Variants in VPS35L observed in about 807,000 individuals in gnomAD.
The protein encoded by VPS35L is VPS35 endosomal protein-sorting factor-like.
A neutral mutation model predicts 133.0 loss-of-function variants in VPS35L; 83 were observed. The observed-to-expected ratio is 0.62, with a 90% CI of 0.52 to 0.75. The LOEUF (loss-of-function observed/expected upper bound fraction) is 0.75. VPS35L is among the 30% of genes least tolerant of loss of function. The pLI is 0.00. For missense variants in VPS35L, 1,083 were observed against 1,206.8 expected (o/e 0.90, Z 1.52); for synonymous variants, 423 against 449.9 (o/e 0.94, Z 0.76).
chr16:19,619,411 C>G (rs1340628316), intron 14 of VPS35L, among the ~76,000 whole-genome samples: 2 of 152,102 alleles, frequency 1.3e-5, no homozygotes, highest in Non-Finnish European at 2.9e-5. Context: ...TGAAGTTTTG[C>G]TGCTGGTTCT....
intron 26 of VPS35L, among the ~76,000 whole-genome samples, chr16:19,653,607 C>T (rs974563151): frequency 6.6e-6 from 1 of 152,228 alleles, no homozygotes; most frequent in African/African-American, 2.4e-5. Context: ...TAAAGGAATG[C>T]CGGGGCAGTT....
intron 1 of VPS35L, among the ~76,000 whole-genome samples, chr16:19,560,384 A>C (rs1342526707): frequency 6.6e-6 from 1 of 152,264 alleles, no homozygotes; most frequent in African/African-American, 2.4e-5. Context: ...GTTGATTGTT[A>C]GTAATTCCAA....
In VPS35L at chr16:19,668,591, A is replaced by AGTGTGTGTGTGTGT. The variant is rs35546511; in HGVS notation, c.2222-553_2222-540dup. On this transcript the variant is annotated intron_variant, in intron 26 of 30. Transcript: ENST00000417362. Reference sequence around the variant, plus strand: ...ATGTTAATCAGAAGCCTTTAAGCTGAGTGTGTGTGTGTGTGTGTGTGTGTG... The same window carrying AGTGTGTGTGTGTGT: ...ATGTTAATCAGAAGCCTTTAAGCTGAGTGTGTGTGTGTGTGTGTGTGTGTGTGTGTGTGTGTGTG... 5.2e-3 allele frequency among the ~76,000 whole-genome samples: 770 copies of AGTGTGTGTGTGTGT among 147,482 alleles called. 9 individuals carry two copies. The highest frequency in any genetic ancestry group is 0.03 in the East Asian group (148 of 4,980).
chr16:19,582,962 G>A (rs960356803), intron 7 of VPS35L, among the ~76,000 whole-genome samples: 1 of 152,148 alleles, frequency 6.6e-6, no homozygotes, highest in African/African-American at 2.4e-5. Context: ...GAGTCCAGGA[G>A]TTTGAGACCA....
chr16:19,568,975 G>A (rs1164499726), intron 2 of VPS35L, among the ~76,000 whole-genome samples: 4 of 151,906 alleles, frequency 2.6e-5, no homozygotes, highest in Non-Finnish European at 4.4e-5. Context: ...GTGTTCAAGG[G>A]AGAAAGGCAA....
chr16:19,555,789 T>C (rs1337398590), intron 1 of VPS35L, 43 bp downstream of exon 1: 2 of 1,538,356 alleles, frequency 1.3e-6, no homozygotes, highest in Non-Finnish European at 1.7e-6. Context: ...GGGGCTGTCC[T>C]TACTTGTGAT....
chr16:19,630,983 A>G (rs8064165), intron 18 of VPS35L, among the ~76,000 whole-genome samples: 1 of 151,954 alleles, frequency 6.6e-6, no homozygotes, highest in Non-Finnish European at 1.5e-5. Context: ...CACTCCAGCC[A>G]GAGCGACAGA....
Position 19,615,249 on chromosome 16 carries a change from C to T in VPS35L, c.1024-865C>T, listed in dbSNP as rs1411363018. Among the ~76,000 whole-genome samples the T allele has an allele frequency of 2.0e-5, 3 of 152,308 alleles. No homozygotes were observed. In the East Asian group the frequency reaches 5.8e-4, roughly 29 times the overall value. On this transcript the variant is annotated intron_variant, in intron 12 of 30. Coordinates refer to ENST00000417362, the MANE Select transcript of VPS35L (RefSeq NM_020314.7). ...TCTCTTGGTCGTCTGTTCAGAAATACATTCAATACCTTTGGGGAAGGGCAA... is the reference window on the plus strand; with the variant it reads ...TCTCTTGGTCGTCTGTTCAGAAATATATTCAATACCTTTGGGGAAGGGCAA...
At chr16:19,677,191 G>C (rs908723502) in intron 27 of VPS35L, among the ~76,000 whole-genome samples, 1 of 151,114 alleles carries the variant, frequency 6.6e-6, no homozygotes, top group South Asian at 2.1e-4. Flanking sequence ...TCCGCCTCCC[G>C]AGCAGCTGGG....
At chr16:19,610,162 A>G (rs1158750610) in intron 11 of VPS35L, among the ~76,000 whole-genome samples, 160 bp from the exon 12 acceptor site, 1 of 152,216 alleles carries the variant, frequency 6.6e-6, no homozygotes, top group Non-Finnish European at 1.5e-5. Flanking sequence ...CTGTTGTTAC[A>G]TTGCCTTAGA....
At chr16:19,606,140 G>A (rs1341171309) in intron 9 of VPS35L, among the ~76,000 whole-genome samples, 1 of 152,212 alleles carries the variant, frequency 6.6e-6, no homozygotes, top group East Asian at 1.9e-4. Flanking sequence ...AAGGCAGCCT[G>A]CCTTTAGCCT....
chr16:19,577,103 T>G (rs1971563598), intron 5 of VPS35L, among the ~76,000 whole-genome samples: 1 of 152,174 alleles, frequency 6.6e-6, no homozygotes, highest in African/African-American at 2.4e-5. Flanking sequence ...GTGTCTTAGT[T>G]TGTTTAGTGG....
At chr16:19,652,136 G>T in intron 26 of VPS35L, 46 bp downstream of exon 26, 1 of 1,335,180 alleles carries the variant, frequency 7.5e-7, no homozygotes, top group South Asian at 1.2e-5. Flanking sequence ...TGCTGCTTAG[G>T]AAAACTGACT....
At chr16:19,584,595 C>A (rs558677167) in intron 7 of VPS35L, among the ~76,000 whole-genome samples, 1 of 148,228 alleles carries the variant, frequency 6.7e-6, no homozygotes, top group East Asian at 2.0e-4. Context: ...CCATTGCACT[C>A]CAACATGGGC....
chr16:19,569,484 T>A lies in VPS35L; in HGVS notation c.178T>A (p.Ser60Thr). 6.2e-7 allele frequency: 1 copy of A among 1,609,784 alleles called. No individual in the cohort carries two copies. Among genetic ancestry groups the A allele is most frequent in the Non-Finnish European group, 8.5e-7 (1 of 1,178,058 alleles). ...RKGSTSSTSS[S>T]SSSSVVDPLS... is the part of the protein sequence containing the mutation. ...AGGAAGCACTTCTTCCACGTCCTCC[T>A]CCTCCTCCAGCTCCGTGGTGGACCC... Residue 60 changes from serine to threonine, a missense_variant, in exon 3 of 31, where the codon TCC (serine) becomes ACC (threonine). Ser to Thr is a moderately conservative substitution (Grantham distance 58). Transcript: ENST00000417362.
chr16:19,646,325 A>G (rs746836536), intron 23 of VPS35L, among the ~76,000 whole-genome samples: 37 of 152,084 alleles, frequency 2.4e-4, no homozygotes, highest in African/African-American at 4.1e-4. Flanking sequence ...GCTGCCTTCT[A>G]TGAAGGCACA....
intron 12 of VPS35L, 89 bp downstream of exon 12, chr16:19,610,504 G>GC: frequency 1.1e-6 from 1 of 919,512 alleles, no homozygotes; most frequent in Non-Finnish European, 1.6e-6. Context: ...CCACCACCCC[G>GC]CAAGTCATTG....
intron 19 of VPS35L, among the ~76,000 whole-genome samples, chr16:19,637,231 C>A (rs186128932): frequency 2.0e-5 from 3 of 152,210 alleles, no homozygotes; most frequent in Non-Finnish European, 4.4e-5. Flanking sequence ...TAATGGAGAA[C>A]TTTCTAAAGG....
intron 9 of VPS35L, among the ~76,000 whole-genome samples, chr16:19,602,676 C>T (rs565474057): frequency 6.6e-6 from 1 of 152,206 alleles, no homozygotes; most frequent in African/African-American, 2.4e-5. Context: ...AATCTTGGCT[C>T]GCTGCAGCCT....
Sources: gnomAD v4.1 joint callset for allele counts (sites outside exome capture counted in the v4.1 genomes callset) on GRCh38, gnomAD v4.1.1 for gene constraint, MANE v1.5 for transcripts, NCBI Gene and HGNC (gene_info 2026-07-23, HGNC 2026-07-21) for gene names.